Variants in LOC400499 observed in about 807,000 individuals in gnomAD.
chr16:11,405,496 G>T, the LOC400499 span, among the ~76,000 whole-genome samples: 3 of 152,326 alleles, frequency 2.0e-5, no homozygotes, highest in African/African-American at 7.2e-5. Flanking sequence ...GCAAGCTTGG[G>T]GAGGAGGCAG....
the LOC400499 span, among the ~76,000 whole-genome samples, chr16:11,413,114 A>G: frequency 2.0e-5 from 3 of 152,148 alleles, no homozygotes; most frequent in Admixed American, 6.5e-5. Flanking sequence ...CTGAGGATAC[A>G]GGGCCGGAGT....
chr16:11,379,730 T>A, the LOC400499 span, among the ~76,000 whole-genome samples: 1 of 152,242 alleles, frequency 6.6e-6, no homozygotes, highest in Non-Finnish European at 1.5e-5. Context: ...GCTTATGGTT[T>A]GCTTTCTCTG....
At chr16:11,427,305 G>A in the LOC400499 span, among the ~76,000 whole-genome samples, 41,124 of 137,454 alleles carry the variant, frequency 0.3, 7,258 homozygotes, top group Admixed American at 0.48. Flanking sequence ...CTGAGATGGC[G>A]CCATTGCACT....
the LOC400499 span, among the ~76,000 whole-genome samples, chr16:11,388,922 A>C: frequency 5.3e-5 from 8 of 152,074 alleles, no homozygotes; most frequent in African/African-American, 1.9e-4. Flanking sequence ...CCCCGTCTCT[A>C]CTAAAAATAC....
chr16:11,496,898 G>A, the LOC400499 span, among the ~76,000 whole-genome samples: 1 of 13,126 alleles, frequency 7.6e-5, no homozygotes, highest in Non-Finnish European at 1.9e-4. Context: ...ATGTGTGTGT[G>A]TGTGTGTGTG....
At chr16:11,384,148 G>A in the LOC400499 span, 32 of 1,213,298 alleles carry the variant, frequency 2.6e-5, no homozygotes, top group East Asian at 5.1e-4. Flanking sequence ...TGCCTCTCCC[G>A]GGACTCTGCA....
At chr16:11,373,658 CG>C in the LOC400499 span, among the ~76,000 whole-genome samples, 363 of 151,804 alleles carry the variant, frequency 2.4e-3, 1 homozygote, top group Admixed American at 4.5e-3. Flanking sequence ...CTTGCTCTGT[CG>C]CCCAGGCTGG....
At chr16:11,461,531 G>C in the LOC400499 span, among the ~76,000 whole-genome samples, 2 of 152,172 alleles carry the variant, frequency 1.3e-5, no homozygotes, top group South Asian at 2.1e-4. Flanking sequence ...CAAAAATAAA[G>C]TAGAATAAAA....
chr16:11,507,586 A>C, the LOC400499 span, among the ~76,000 whole-genome samples: 1 of 152,232 alleles, frequency 6.6e-6, no homozygotes, highest in Non-Finnish European at 1.5e-5. Flanking sequence ...TAGATAACGC[A>C]AGTGAGGCCC....
chr16:11,499,070 G>A, the LOC400499 span, among the ~76,000 whole-genome samples: 1 of 82,938 alleles, frequency 1.2e-5, no homozygotes, highest in African/African-American at 4.8e-5. Flanking sequence ...GGGGGGAGGG[G>A]GGAAGGGAGG....
the LOC400499 span, chr16:11,450,689 C>A: frequency 1.0e-5 from 16 of 1,536,176 alleles, no homozygotes; most frequent in Non-Finnish European, 1.2e-5. Context: ...CCCACGCTGA[C>A]CACCAGGTCC....
At chr16:11,505,038 G>A in the LOC400499 span, among the ~76,000 whole-genome samples, 1 of 152,082 alleles carries the variant, frequency 6.6e-6, no homozygotes, top group Non-Finnish European at 1.5e-5. Flanking sequence ...CAAAGTGATT[G>A]AGGCAGGGGC....
chr16:11,376,685 T>C, the LOC400499 span, among the ~76,000 whole-genome samples: 1 of 152,208 alleles, frequency 6.6e-6, no homozygotes, highest in East Asian at 1.9e-4. Flanking sequence ...TCCCTTGAAA[T>C]TGTGTATCAA....
chr16:11,515,047 C>T, the LOC400499 span, among the ~76,000 whole-genome samples: 9 of 152,088 alleles, frequency 5.9e-5, no homozygotes, highest in Non-Finnish European at 1.2e-4. Flanking sequence ...GGCTCATTCC[C>T]GTAGTTCCAG....
chr16:11,503,745 C>A, the LOC400499 span, among the ~76,000 whole-genome samples: 1 of 152,242 alleles, frequency 6.6e-6, no homozygotes, highest in Non-Finnish European at 1.5e-5. Flanking sequence ...AATGTGCCTT[C>A]TGTGGTCAGA....
the LOC400499 span, chr16:11,392,326 G>A: frequency 1.0e-5 from 4 of 398,854 alleles, no homozygotes; most frequent in Non-Finnish European, 1.8e-5. Context: ...CCTCCACATG[G>A]CCCAGCAGGC....
At chr16:11,455,064 G>A in the LOC400499 span, among the ~76,000 whole-genome samples, 2 of 152,118 alleles carry the variant, frequency 1.3e-5, no homozygotes, top group Non-Finnish European at 2.9e-5. Context: ...TGAAAATTCT[G>A]TAATTAGTAG....
At chr16:11,395,341 C>T in the LOC400499 span, among the ~76,000 whole-genome samples, 1 of 152,208 alleles carries the variant, frequency 6.6e-6, no homozygotes, top group African/African-American at 2.4e-5. Context: ...GTGAGAATAG[C>T]TGTCCCAAAT....
the LOC400499 span, among the ~76,000 whole-genome samples, chr16:11,433,612 T>C: frequency 4.6e-5 from 7 of 152,230 alleles, no homozygotes; most frequent in Non-Finnish European, 8.8e-5. Context: ...GGTGGGTTCC[T>C]GGACAGGAAC....
Sources: allele counts gnomAD v4.1 joint callset (sites outside exome capture counted in the v4.1 genomes callset), GRCh38; gene constraint gnomAD v4.1.1; transcripts MANE v1.5.